The following IL21R variants were observed in gnomAD, a reference collection of about 807,000 sequenced individuals.
The protein encoded by IL21R is interleukin 21 receptor.
In IL21R, 14 loss-of-function variants were observed where a neutral mutation model predicts 41.3. That is an observed-to-expected ratio of 0.34 (90% CI 0.22 to 0.53). IL21R has a LOEUF of 0.53. IL21R is among the 20% of genes least tolerant of loss of function. IL21R has a pLI of 0.94. For missense variants in IL21R, 588 were observed against 681.6 expected (o/e 0.86, Z 1.53); for synonymous variants, 286 against 287.6 (o/e 0.99, Z 0.05).
chr16:27,418,929 G>T (rs1426243187), intron 1 of IL21R, among the ~76,000 whole-genome samples: 1 of 149,392 alleles, frequency 6.7e-6, no homozygotes, highest in Non-Finnish European at 1.5e-5. Context: ...TAAAACCTAA[G>T]ACACGCGGGG....
intron 7 of IL21R, 122 bp from the exon 8 acceptor site, chr16:27,445,885 C>T (rs552151624): frequency 2.0e-4 from 128 of 628,560 alleles, no homozygotes; most frequent in Non-Finnish European, 2.6e-4. Context: ...AGGAGGGAGG[C>T]GCCTGGGCTG....
intron 4 of IL21R, among the ~76,000 whole-genome samples, chr16:27,442,263 T>G (rs886330886): frequency 6.6e-6 from 1 of 152,224 alleles, no homozygotes; most frequent in Non-Finnish European, 1.5e-5. Flanking sequence ...TGTTTGTGTA[T>G]GCGTGTGTGT....
At chr16:27,439,379 CA>C (rs200198813) in intron 4 of IL21R, among the ~76,000 whole-genome samples, 3,563 of 150,132 alleles carry the variant, frequency 0.024, 124 homozygotes, top group African/African-American at 0.079. Context: ...CACACACACA[CA>C]CACGTACACA....
rs958751756 is a variant in IL21R at position 27,427,270 on chromosome 16, C to G, written c.-16-2786C>G. Reference sequence around the variant, plus strand: ...CTCAGGCAAACCACTAGAGGCAGCTCAGATAGAGGAGCTCTTTGGGAAGAG... The same window carrying G: ...CTCAGGCAAACCACTAGAGGCAGCTGAGATAGAGGAGCTCTTTGGGAAGAG... On this transcript the variant is annotated intron_variant, in intron 1 of 8. Transcript: ENST00000337929. 1.1e-5 allele frequency: 11 copies of G among 985,362 alleles called. No homozygotes were observed. The African/African-American group carries it at 1.9e-4, about 17-fold the overall frequency. 61.0% of individuals were successfully genotyped at this position (985,362 alleles called of 1,614,324 possible).
intron 1 of IL21R, among the ~76,000 whole-genome samples, chr16:27,424,162 C>A (rs1019380383): frequency 2.0e-5 from 3 of 152,112 alleles, no homozygotes; most frequent in African/African-American, 7.2e-5. Flanking sequence ...GCAACCTCCA[C>A]CTCCCGGGTT....
chr16:27,414,529 G>A (rs1300379996), intron 1 of IL21R, among the ~76,000 whole-genome samples: 1 of 151,728 alleles, frequency 6.6e-6, no homozygotes, highest in Admixed American at 6.6e-5. Flanking sequence ...GTCAAGTTTT[G>A]GTATTAAGAC....
intron 6 of IL21R, among the ~76,000 whole-genome samples, chr16:27,444,962 C>G (rs765258489): frequency 1.3e-5 from 2 of 152,122 alleles, no homozygotes; most frequent in African/African-American, 4.8e-5. Context: ...GTTTTTCAGA[C>G]GAGATAACTT....
chr16:27,440,222 A>AAT (rs60418304), intron 4 of IL21R, among the ~76,000 whole-genome samples: 3,119 of 75,692 alleles, frequency 0.041, 140 homozygotes, highest in Admixed American at 0.079. Context: ...TAATCTGACA[A>AAT]ATATATATAT....
chr16:27,441,046 C>CAAAAAAAAAA (rs35321284), intron 4 of IL21R, among the ~76,000 whole-genome samples: 2 of 68,350 alleles, frequency 2.9e-5, no homozygotes, highest in African/African-American at 5.1e-5. Context: ...GATTCTGTCT[C>CAAAAAAAAAA]AAAAAAAAAA....
At chr16:27,428,665 T>C (rs1019818349) in intron 1 of IL21R, among the ~76,000 whole-genome samples, 2 of 152,144 alleles carry the variant, frequency 1.3e-5, no homozygotes, top group Non-Finnish European at 2.9e-5. Context: ...TGGTGGGGCA[T>C]TCCTCTGCCC....
At chr16:27,442,736 A>G in intron 4 of IL21R, 1 of 399,276 alleles carries the variant, frequency 2.5e-6, no homozygotes, top group Non-Finnish European at 4.5e-6. Context: ...TGAGTTTGCA[A>G]TCCTGATCAG....
intron 4 of IL21R, among the ~76,000 whole-genome samples, chr16:27,439,686 G>A: frequency 6.6e-6 from 1 of 152,106 alleles, no homozygotes; most frequent in Non-Finnish European, 1.5e-5. Flanking sequence ...AGACTCACAA[G>A]GGGACCCTCC....
intron 2 of IL21R, among the ~76,000 whole-genome samples, chr16:27,432,311 G>A (rs776426578): frequency 5.3e-5 from 8 of 152,194 alleles, no homozygotes; most frequent in Non-Finnish European, 1.2e-4. Flanking sequence ...GCTTACACAT[G>A]GGGAGGAGAA....
intron 5 of IL21R, chr16:27,444,038 C>A (rs1418307671): frequency 6.6e-6 from 1 of 152,030 alleles, no homozygotes; most frequent in Non-Finnish European, 1.5e-5. Context: ...CCAGAGGTAT[C>A]CATTGCTAAG....
At chr16:27,442,877 A>G (rs778318897) in intron 4 of IL21R, 85 bp from the exon 5 acceptor site, 26 of 1,273,582 alleles carry the variant, frequency 2.0e-5, no homozygotes, top group Non-Finnish European at 2.6e-5. Flanking sequence ...GGGTGGGGGC[A>G]GGCAGGACTT....
chr16:27,439,254 A>C (rs893425436), intron 4 of IL21R, among the ~76,000 whole-genome samples: 8 of 151,834 alleles, frequency 5.3e-5, no homozygotes, highest in African/African-American at 1.9e-4. Context: ...ATGCGCCCTC[A>C]AACTCACAGA....
chr16:27,438,531 C>T (rs986737132), intron 4 of IL21R, among the ~76,000 whole-genome samples: 1 of 151,464 alleles, frequency 6.6e-6, no homozygotes, highest in Non-Finnish European at 1.5e-5. Flanking sequence ...TTAAGACCAA[C>T]CTGGGCAATA....
At chr16:27,425,557 TTG>T (rs1336663194) in intron 1 of IL21R, among the ~76,000 whole-genome samples, 1 of 151,166 alleles carries the variant, frequency 6.6e-6, no homozygotes, top group Non-Finnish European at 1.5e-5. Flanking sequence ...GTGTTTTGTT[TTG>T]TTTTTTTTTG....
intron 1 of IL21R, among the ~76,000 whole-genome samples, chr16:27,417,237 C>G (rs2086904825): frequency 6.7e-6 from 1 of 148,848 alleles, no homozygotes; most frequent in South Asian, 2.1e-4. Context: ...AAACAGCTCA[C>G]TGTAGCCTCA....
Sources: allele counts gnomAD v4.1 joint callset (sites outside exome capture counted in the v4.1 genomes callset), GRCh38; gene constraint gnomAD v4.1.1; transcripts MANE v1.5; gene names NCBI Gene and HGNC (gene_info 2026-07-23, HGNC 2026-07-21).